The following RNF4 variants were observed in gnomAD, a reference collection of about 807,000 sequenced individuals.
The protein encoded by RNF4 is ring finger protein 4, also known as E3 ubiquitin-protein ligase RNF4.
In RNF4, 7 loss-of-function variants were observed where a neutral mutation model predicts 24.3. The observed-to-expected ratio is 0.29, with a 90% CI of 0.16 to 0.54. The LOEUF (loss-of-function observed/expected upper bound fraction) is 0.54, where lower values mean the gene tolerates loss of function less well. RNF4 is among the 20% of genes least tolerant of loss of function. The probability of loss-of-function intolerance (pLI) is 0.95; values close to 1 mark genes in which losing one functional copy is unlikely to be tolerated. For synonymous variants in RNF4, 83 were observed against 84.3 expected (o/e 0.98, Z 0.09); for missense variants, 209 against 248.5 (o/e 0.84, Z 1.07).
At chr4:2,483,700 A>G (rs530716763) in intron 1 of RNF4, among the ~76,000 whole-genome samples, 130 of 152,196 alleles carry the variant, frequency 8.5e-4, no homozygotes, top group African/African-American at 3.1e-3. Flanking sequence ...GCTAGTTGGG[A>G]GGCTGAGGCA....
In RNF4 at chr4:2,512,102, T is replaced by C. The variant is rs2108779866; in HGVS notation, c.214+137T>C. On this transcript the variant is annotated intron_variant, in intron 5 of 7. Coordinates refer to ENST00000314289, the MANE Select transcript of RNF4 (RefSeq NM_002938.5). This position sits in a 1 kb window ranked among gnomAD's most constrained non-coding sequence, Gnocchi z 4.1. ...AGCAGGAAGATGCCTTCGCAGATGCTGTGGTCAGACCCACACAGCCAGTCC... is the reference window on the plus strand; with the variant it reads ...AGCAGGAAGATGCCTTCGCAGATGCCGTGGTCAGACCCACACAGCCAGTCC... The C allele has an allele frequency of 2.5e-6, 2 of 792,042 alleles. No individual in the cohort carries two copies. The highest frequency in any genetic ancestry group is 5.3e-5 in the East Asian group (2 of 37,686). 49.1% of individuals were successfully genotyped at this position (792,042 alleles called of 1,614,324 possible).
intron 3 of RNF4, chr4:2,497,364 G>T: frequency 6.2e-6 from 2 of 323,454 alleles, no homozygotes; most frequent in Non-Finnish European, 5.6e-6. Context: ...GCGCAAATGA[G>T]ATAGCCCACC....
chr4:2,495,099 T>G (rs369939396), intron 2 of RNF4, among the ~76,000 whole-genome samples: 49,554 of 152,130 alleles, frequency 0.33, 9,472 homozygotes, highest in Admixed American at 0.52. Flanking sequence ...TCAGCTCCCT[T>G]GAGGCCAAGA....
Position 2,500,830 on chromosome 4 carries a change from C to CTGTGGTTACACAGCATACCTTACAAGCAT in RNF4, c.204+92_204+93insTGTGGTTACACAGCATACCTTACAAGCAT, listed in dbSNP as rs1735888299. 3.4e-6 allele frequency: 4 copies of CTGTGGTTACACAGCATACCTTACAAGCAT among 1,187,268 alleles called. No homozygotes were observed. In the South Asian group the frequency reaches 3.9e-5, roughly 11 times the overall value. The allele number at this position is 1,187,268 out of a possible 1,614,324, so 73.5% of individuals were successfully genotyped here. On this transcript the variant is annotated intron_variant, in intron 4 of 7. Coordinates refer to ENST00000314289, the MANE Select transcript of RNF4 (RefSeq NM_002938.5). ...ACAGCCTTGGTCACAGACTCCAAGT[C>CTGTGGTTACACAGCATACCTTACAAGCAT]AAGGTTACAGCTTATGCTAAAGAAG...
At chr4:2,500,761 C>A (rs1462700667) in intron 4 of RNF4, 23 bp downstream of exon 4, 4 of 1,611,368 alleles carry the variant, frequency 2.5e-6, no homozygotes, top group Middle Eastern at 1.6e-4. Context: ...GTGTGAGAGT[C>A]GGCTGTTTCT....
chr4:2,494,093 G>A (rs1328158113), intron 2 of RNF4, among the ~76,000 whole-genome samples: 1 of 152,086 alleles, frequency 6.6e-6, no homozygotes, highest in Admixed American at 6.6e-5. Flanking sequence ...CACGAGAATG[G>A]GGTAAATATT....
At chr4:2,505,502 T>G (rs1437073079) in intron 4 of RNF4, 1 of 151,122 alleles carries the variant, frequency 6.6e-6, no homozygotes, top group East Asian at 1.9e-4. Context: ...ATTTTTTGTA[T>G]TTTTAGTAGA....
intron 3 of RNF4, among the ~76,000 whole-genome samples, chr4:2,498,561 A>T (rs918249401): frequency 6.6e-6 from 1 of 152,196 alleles, no homozygotes; most frequent in Non-Finnish European, 1.5e-5. Flanking sequence ...GTTGTATATC[A>T]GTATATGGAC....
intron 4 of RNF4, among the ~76,000 whole-genome samples, chr4:2,506,534 T>A (rs1736106875): frequency 1.3e-5 from 2 of 151,692 alleles, no homozygotes; most frequent in South Asian, 4.2e-4. Flanking sequence ...CCAAGTTGTG[T>A]GCTTTCTCCA....
chr4:2,503,302 G>A (rs1294877772), intron 4 of RNF4, among the ~76,000 whole-genome samples: 2 of 152,156 alleles, frequency 1.3e-5, no homozygotes, highest in African/African-American at 4.8e-5. Flanking sequence ...TTAACCTGGG[G>A]CTGTCTGGTT....
At chr4:2,495,721 C>T (rs1197658016) in intron 2 of RNF4, among the ~76,000 whole-genome samples, 10 of 152,160 alleles carry the variant, frequency 6.6e-5, no homozygotes. Context: ...CATCCTCCAC[C>T]TCCCAGGTTC....
At chr4:2,507,722 C>T (rs1290923752) in intron 4 of RNF4, among the ~76,000 whole-genome samples, 1 of 152,132 alleles carries the variant, frequency 6.6e-6, no homozygotes, top group South Asian at 2.1e-4. Context: ...AAAGGGGCTT[C>T]GAGTGACCAA....
rs1465319299 is a variant in RNF4 at position 2,515,565 on chromosome 4, C to A, written c.*1746C>A. ...TCCACTCATAAAATATGGTAACACCCATTTTAAAATTTAAGTTTTGTCCTT... is the reference window on the plus strand; with the variant it reads ...TCCACTCATAAAATATGGTAACACCAATTTTAAAATTTAAGTTTTGTCCTT... On this transcript the variant is annotated 3_prime_UTR_variant, in exon 8 of 8. Transcript: ENST00000314289. 1 of 152,302 alleles carries A rather than the reference C, an allele frequency of 6.6e-6. No homozygotes were observed. Among genetic ancestry groups the A allele is most frequent in the Non-Finnish European group, 1.5e-5 (1 of 68,030 alleles). The allele number at this position is 152,302 out of a possible 1,614,324, so 9.4% of individuals were successfully genotyped here. A position where few individuals can be genotyped will look rare whatever the true frequency, so the allele number is the denominator to read the frequency against.
intron 4 of RNF4, among the ~76,000 whole-genome samples, chr4:2,507,784 A>G (rs1189507558): frequency 1.3e-5 from 2 of 152,242 alleles, no homozygotes; most frequent in East Asian, 3.9e-4. Flanking sequence ...TGACCTATGG[A>G]CTGTTGTCCA....
At chr4:2,500,590 A>G (rs1322996147) in intron 3 of RNF4, 69 bp from the exon 4 acceptor site, 1 of 1,498,444 alleles carries the variant, frequency 6.7e-7, no homozygotes, top group Non-Finnish European at 9.2e-7. Context: ...CAGTCATACT[A>G]AAGTGTAGAG....
At chr4:2,477,267 C>T (rs751889691) in intron 1 of RNF4, among the ~76,000 whole-genome samples, 3 of 152,076 alleles carry the variant, frequency 2.0e-5, no homozygotes, top group Non-Finnish European at 4.4e-5. Context: ...ATGCTGTTCT[C>T]ATGATGGTGA....
intron 1 of RNF4, among the ~76,000 whole-genome samples, chr4:2,476,178 C>T (rs1217842594): frequency 2.0e-5 from 3 of 152,158 alleles, no homozygotes; most frequent in African/African-American, 7.2e-5. Context: ...TCTGCCACAC[C>T]TCACCTCTTA....
At chr4:2,474,335 G>A (rs1163221485) in intron 1 of RNF4, among the ~76,000 whole-genome samples, 3 of 148,204 alleles carry the variant, frequency 2.0e-5, no homozygotes, top group South Asian at 2.1e-4. Flanking sequence ...CCGAAATCAC[G>A]CCATTGCACT....
In RNF4 at chr4:2,500,835, T is replaced by A. The variant is rs977394869; in HGVS notation, c.204+97T>A. The A allele has an allele frequency of 2.7e-6, 3 of 1,108,284 alleles. No individual in the cohort carries two copies. The Admixed American group carries it at 6.0e-5, about 22-fold the overall frequency. The allele number at this position is 1,108,284 out of a possible 1,614,324, so 68.7% of individuals were successfully genotyped here. On this transcript the variant is annotated intron_variant, in intron 4 of 7. Coordinates refer to ENST00000314289, the MANE Select transcript of RNF4 (RefSeq NM_002938.5). ...CTTGGTCACAGACTCCAAGTCAAGG[T>A]TACAGCTTATGCTAAAGAAGTTCAT...
Sources: gnomAD v4.1 joint callset for allele counts (sites outside exome capture counted in the v4.1 genomes callset) on GRCh38, gnomAD v4.1.1 for gene constraint, Gnocchi (gnomAD v3.1) non-coding constraint, MANE v1.5 for transcripts, NCBI Gene and HGNC (gene_info 2026-07-23, HGNC 2026-07-21) for gene names.